The following PDE8A variants were observed in gnomAD, a reference collection of about 807,000 sequenced individuals.
PDE8A encodes high affinity cAMP-specific and IBMX-insensitive 3',5'-cyclic phosphodiesterase 8A.
A neutral mutation model predicts 105.0 loss-of-function variants in PDE8A; 59 were observed. The observed-to-expected ratio is 0.56, with a 90% CI of 0.46 to 0.70. The LOEUF (loss-of-function observed/expected upper bound fraction) is 0.70, where lower values mean the gene tolerates loss of function less well. PDE8A is among the 30% of genes least tolerant of loss of function. The pLI, the probability that PDE8A is intolerant of heterozygous loss-of-function variation, is 0.00. For synonymous variants in PDE8A, 355 were observed against 371.9 expected, an observed-to-expected ratio of 0.95 and a Z score of 0.52; for missense variants, 1,014 against 1,045.9, an observed-to-expected ratio of 0.97 and a Z score of 0.42.
chr15:85,075,534 T>C (rs1314829079), intron 3 of PDE8A, among the ~76,000 whole-genome samples: 1 of 152,214 alleles, frequency 6.6e-6, no homozygotes, highest in African/African-American at 2.4e-5. Flanking sequence ...CAACGGCTTC[T>C]TTCATGTAAG....
At chr15:85,136,480 A>T in intron 20 of PDE8A, 54 bp from the exon 21 acceptor site, 2 of 1,575,000 alleles carry the variant, frequency 1.3e-6, no homozygotes, top group Non-Finnish European at 1.7e-6. Flanking sequence ...GGCTGCCCCT[A>T]GGTGGAGTGG....
In PDE8A at chr15:85,121,024, ATGAT is replaced by A. The variant is rs781410750; in HGVS notation, c.1952+13_1952+16del. The A allele has an allele frequency of 6.5e-7, 1 of 1,535,178 alleles. No homozygotes were observed. Among genetic ancestry groups the A allele is most frequent in the African/African-American group, 1.4e-5 (1 of 73,312 alleles). Reference sequence around the variant, plus strand: ...TTAAAAACATGGAGAGGTAAGAACAATGATTGGGAAGTGTGTTGATCCCTCTCTT... The same window carrying A: ...TTAAAAACATGGAGAGGTAAGAACAATGGGAAGTGTGTTGATCCCTCTCTT... On this transcript the variant is annotated intron_variant, in intron 18 of 21. Coordinates refer to ENST00000394553, the MANE Select transcript of PDE8A (RefSeq NM_002605.3).
chr15:85,082,358 T>G (rs1291595774), intron 5 of PDE8A, among the ~76,000 whole-genome samples: 1 of 152,186 alleles, frequency 6.6e-6, no homozygotes. Flanking sequence ...TGCAGCAGTT[T>G]GTACTTAAAA....
intron 1 of PDE8A, among the ~76,000 whole-genome samples, chr15:85,027,199 G>A (rs1567236240): frequency 1.3e-5 from 2 of 152,174 alleles, no homozygotes; most frequent in Admixed American, 6.5e-5. Context: ...GCTGCAGAAT[G>A]GGCTGTGGTC....
intron 1 of PDE8A, among the ~76,000 whole-genome samples, chr15:85,018,542 A>G (rs1208613678): frequency 6.6e-6 from 1 of 152,168 alleles, no homozygotes; most frequent in African/African-American, 2.4e-5. Flanking sequence ...TAACCCTCAC[A>G]TCATCTTTTT....
Position 85,075,864 on chromosome 15 carries a change from C to CT in PDE8A, c.438dup (p.Ile147TyrfsTer21). The CT allele has an allele frequency of 6.6e-7, 1 of 1,525,800 alleles. No homozygotes were observed. 94.5% of individuals were successfully genotyped at this position (1,525,800 alleles called of 1,614,324 possible). A position where few individuals can be genotyped will look rare whatever the true frequency, so the allele number is the denominator to read the frequency against. On this transcript the variant is annotated frameshift_variant, in exon 4 of 22. Transcript: ENST00000394553. LOFTEE classifies it high-confidence loss of function. ...TAAAGTTTTGTGTTTTTTTTAAGGTCTATCAGATCATCAAAACTCTCAGAA... is the reference window on the plus strand; with the variant it reads ...TAAAGTTTTGTGTTTTTTTTAAGGTCTTATCAGATCATCAAAACTCTCAGAA...
intron 1 of PDE8A, among the ~76,000 whole-genome samples, chr15:85,035,829 G>T (rs1272152499): frequency 6.6e-6 from 1 of 152,202 alleles, no homozygotes; most frequent in East Asian, 1.9e-4. Context: ...CCTAATATGT[G>T]TATTTAATGT....
intron 1 of PDE8A, among the ~76,000 whole-genome samples, chr15:85,039,618 G>A (rs1378071661): frequency 6.6e-6 from 1 of 152,128 alleles, no homozygotes; most frequent in Non-Finnish European, 1.5e-5. Context: ...ATATCCAAAG[G>A]AATTGAAGTC....
chr15:84,988,061 T>C (rs2079831959), intron 1 of PDE8A, among the ~76,000 whole-genome samples: 1 of 152,196 alleles, frequency 6.6e-6, no homozygotes, highest in African/African-American at 2.4e-5. Context: ...GCCCTCTGTG[T>C]TGCAAGCACC....
chr15:85,009,381 C>G (rs2080204490), intron 1 of PDE8A, among the ~76,000 whole-genome samples: 1 of 152,174 alleles, frequency 6.6e-6, no homozygotes, highest in Admixed American at 6.5e-5. Context: ...CAACAAAATA[C>G]TATTCCTACA....
intron 11 of PDE8A, among the ~76,000 whole-genome samples, chr15:85,100,947 T>A (rs984318673): frequency 6.6e-6 from 1 of 152,250 alleles, no homozygotes; most frequent in Admixed American, 6.5e-5. Flanking sequence ...GCTTTCTGCC[T>A]TACCAGAACA....
chr15:85,090,637 G>C (rs8029977), intron 7 of PDE8A: 15 of 332,932 alleles, frequency 4.5e-5, no homozygotes, highest in African/African-American at 3.0e-4. Context: ...AATGTGTGGA[G>C]GGGGAGGACA....
At chr15:85,116,191 G>A (rs2082094759) in intron 16 of PDE8A, 72 bp downstream of exon 16, 2 of 1,496,408 alleles carry the variant, frequency 1.3e-6, no homozygotes, top group Non-Finnish European at 1.8e-6. Context: ...TACCTGAGGA[G>A]TATGGATTGT....
At chr15:85,107,682 A>C (rs754672130) in intron 11 of PDE8A, among the ~76,000 whole-genome samples, 1 of 152,188 alleles carries the variant, frequency 6.6e-6, no homozygotes, top group Non-Finnish European at 1.5e-5. Flanking sequence ...GATTTGGAGA[A>C]AGATAAGGAC....
intron 8 of PDE8A, among the ~76,000 whole-genome samples, chr15:85,092,920 CTT>C (rs5814181): frequency 1.2e-3 from 163 of 132,002 alleles, no homozygotes; most frequent in South Asian, 2.4e-3. Context: ...TACTGCTTTC[CTT>C]TTTTTTTTTT....
intron 1 of PDE8A, among the ~76,000 whole-genome samples, chr15:85,038,807 T>C (rs1445649058): frequency 6.6e-6 from 1 of 152,178 alleles, no homozygotes; most frequent in Non-Finnish European, 1.5e-5. Flanking sequence ...CTCATACCTT[T>C]GGATTGGCTG....
chr15:85,122,124 C>T (rs929070982), intron 18 of PDE8A, among the ~76,000 whole-genome samples: 1 of 152,162 alleles, frequency 6.6e-6, no homozygotes, highest in African/African-American at 2.4e-5. Flanking sequence ...CCTGATCTCT[C>T]ATGCTAAGTT....
chr15:85,123,732 A>T (rs8032913), intron 19 of PDE8A, among the ~76,000 whole-genome samples: 2 of 152,206 alleles, frequency 1.3e-5, no homozygotes, highest in Non-Finnish European at 2.9e-5. Context: ...GTATTCTTCA[A>T]TCCAATCAAG....
chr15:85,038,111 T>C (rs2080737558), intron 1 of PDE8A, among the ~76,000 whole-genome samples: 1 of 152,212 alleles, frequency 6.6e-6, no homozygotes, highest in Non-Finnish European at 1.5e-5. Flanking sequence ...GTTGATGAGC[T>C]CACTTTCTTT....
Sources: gnomAD v4.1 joint callset for allele counts (sites outside exome capture counted in the v4.1 genomes callset) on GRCh38, gnomAD v4.1.1 for gene constraint, MANE v1.5 for transcripts, NCBI Gene and HGNC (gene_info 2026-07-23, HGNC 2026-07-21) for gene names.